MCC: variants seen among roughly 807,000 people sequenced by gnomAD.
The protein encoded by MCC is colorectal mutant cancer protein.
MCC carries 90 observed loss-of-function variants against 116.2 expected under a neutral mutation model. The ratio of observed to expected loss-of-function variants is 0.77; its 90% confidence interval spans 0.65 to 0.92. The LOEUF (loss-of-function observed/expected upper bound fraction) is 0.92. MCC is among the 40% of genes least tolerant of loss of function. MCC has a pLI of 0.00. For synonymous variants in MCC, 578 were observed against 510.5 expected, an observed-to-expected ratio of 1.13 and a Z score of -1.78; for missense variants, 1,516 against 1,312.2, an observed-to-expected ratio of 1.16 and a Z score of -2.40.
chr5:113,083,116 A>G, intron 10 of MCC, 108 bp from the exon 11 acceptor site: 2 of 1,059,222 alleles, frequency 1.9e-6, no homozygotes, highest in Non-Finnish European at 2.7e-6. Flanking sequence ...GGGGACTGGG[A>G]GGATGGTTAC....
intron 1 of MCC, among the ~76,000 whole-genome samples, chr5:113,429,605 A>G (rs921578858): frequency 1.3e-5 from 2 of 152,050 alleles, no homozygotes; most frequent in African/African-American, 2.4e-5. Context: ...TCTTTTCTCC[A>G]GGTCCTTTTT....
intron 11 of MCC, among the ~76,000 whole-genome samples, chr5:113,076,599 C>A (rs149880874): frequency 0.012 from 1,900 of 152,194 alleles, 32 homozygotes; most frequent in African/African-American, 0.036. Context: ...CCTTTACAGA[C>A]GAACAAATGC....
intron 8 of MCC, among the ~76,000 whole-genome samples, chr5:113,097,785 A>G (rs1258141683): frequency 1.3e-5 from 2 of 152,184 alleles, no homozygotes; most frequent in Non-Finnish European, 2.9e-5. Flanking sequence ...GGCCTCCCAG[A>G]GTGCTAGAAG....
intron 6 of MCC, among the ~76,000 whole-genome samples, chr5:113,117,359 T>C (rs923514875): frequency 1.3e-5 from 2 of 152,228 alleles, no homozygotes; most frequent in Non-Finnish European, 2.9e-5. Flanking sequence ...TTGGTTGTCC[T>C]CCAAAACCTA....
chr5:113,473,000 T>G (rs925978785), intron 1 of MCC, among the ~76,000 whole-genome samples: 1 of 152,210 alleles, frequency 6.6e-6, no homozygotes, highest in African/African-American at 2.4e-5. Context: ...ACAAAGACAT[T>G]GTTGCATTCA....
At chr5:113,289,957 A>G (rs768561263) in intron 3 of MCC, among the ~76,000 whole-genome samples, 1 of 152,238 alleles carries the variant, frequency 6.6e-6, no homozygotes, top group Non-Finnish European at 1.5e-5. Flanking sequence ...GCAGAGGACT[A>G]TAAAGAGGCA....
intron 3 of MCC, among the ~76,000 whole-genome samples, chr5:113,209,209 A>G (rs990765147): frequency 1.3e-5 from 2 of 152,228 alleles, no homozygotes; most frequent in Non-Finnish European, 2.9e-5. Context: ...ATTCAAGCAT[A>G]AAAAACTCAT....
At chr5:113,171,498 G>A (rs1327202310) in intron 3 of MCC, among the ~76,000 whole-genome samples, 3 of 151,916 alleles carry the variant, frequency 2.0e-5, no homozygotes, top group African/African-American at 7.3e-5. Flanking sequence ...AGGACTACAG[G>A]CATGCACTAT....
intron 2 of MCC, among the ~76,000 whole-genome samples, chr5:113,360,796 A>G (rs1194451492): frequency 2.0e-5 from 3 of 152,192 alleles, no homozygotes; most frequent in Non-Finnish European, 4.4e-5. Flanking sequence ...TATTAGTTAT[A>G]ATAAACCCTG....
intron 5 of MCC, among the ~76,000 whole-genome samples, chr5:113,142,878 GCT>G (rs1023797482): frequency 1.7e-4 from 26 of 152,058 alleles, no homozygotes; most frequent in Admixed American, 1.4e-3. Context: ...GATGGAAGGG[GCT>G]CCATTTAGAA....
At chr5:113,393,321 A>G (rs1340833295) in intron 1 of MCC, among the ~76,000 whole-genome samples, 1 of 152,194 alleles carries the variant, frequency 6.6e-6, no homozygotes, top group Non-Finnish European at 1.5e-5. Context: ...AATCTAACAT[A>G]TATATAAAGC....
At chr5:113,252,281 G>A (rs1249833159) in intron 3 of MCC, among the ~76,000 whole-genome samples, 1 of 152,204 alleles carries the variant, frequency 6.6e-6, no homozygotes, top group Non-Finnish European at 1.5e-5. Flanking sequence ...CAAAGCAGGA[G>A]GTGAGTGGTG....
intron 3 of MCC, among the ~76,000 whole-genome samples, chr5:113,258,827 G>A (rs188772399): frequency 4.0e-4 from 61 of 152,168 alleles, no homozygotes; most frequent in African/African-American, 1.4e-3. Flanking sequence ...GACTCAAGAA[G>A]AACACATAAA....
At chr5:113,160,848 A>G (rs979747538) in intron 3 of MCC, among the ~76,000 whole-genome samples, 1 of 152,208 alleles carries the variant, frequency 6.6e-6, no homozygotes. Flanking sequence ...AGCTATTCCT[A>G]CATTCTATGT....
chr5:113,468,666 G>A (rs1014354737), intron 1 of MCC, among the ~76,000 whole-genome samples: 20 of 152,130 alleles, frequency 1.3e-4, no homozygotes, highest in Non-Finnish European at 2.4e-4. Context: ...GTCTCTGCCC[G>A]GCTTTGGTAT....
chr5:113,096,713 G>A (rs1218563308), intron 8 of MCC, among the ~76,000 whole-genome samples: 1 of 152,204 alleles, frequency 6.6e-6, no homozygotes, highest in African/African-American at 2.4e-5. Context: ...GAGTTTCTGA[G>A]TGAATGTATG....
intron 1 of MCC, among the ~76,000 whole-genome samples, chr5:113,397,309 G>C (rs6871812): frequency 6.6e-6 from 1 of 151,920 alleles, no homozygotes; most frequent in East Asian, 1.9e-4. Context: ...ATGACGTTGA[G>C]CCCATGCATT....
At chr5:113,394,888 A>C (rs1279861962) in intron 1 of MCC, among the ~76,000 whole-genome samples, 1 of 152,240 alleles carries the variant, frequency 6.6e-6, no homozygotes, top group Non-Finnish European at 1.5e-5. Context: ...AATCTAGTTT[A>C]TTGGAACAGA....
chr5:113,143,564 T>C (rs1417176975), intron 4 of MCC, among the ~76,000 whole-genome samples: 2 of 152,208 alleles, frequency 1.3e-5, no homozygotes, highest in African/African-American at 4.8e-5. Context: ...ACTGGAGTCT[T>C]TGCCTTTCTA....
Sources: gnomAD v4.1 joint callset for allele counts (sites outside exome capture counted in the v4.1 genomes callset) on GRCh38, gnomAD v4.1.1 for gene constraint, MANE v1.5 for transcripts, NCBI Gene and HGNC (gene_info 2026-07-23, HGNC 2026-07-21) for gene names.